NEDD4: variants seen among roughly 807,000 people sequenced by gnomAD.
The protein encoded by NEDD4 is NEDD4 E3 ubiquitin protein ligase, also known as E3 ubiquitin-protein ligase NEDD4.
NEDD4 carries 99 observed loss-of-function variants against 144.9 expected under a neutral mutation model. The ratio of observed to expected loss-of-function variants is 0.68; its 90% CI spans 0.58 to 0.81. NEDD4 has a LOEUF of 0.81. Ranked by LOEUF, NEDD4 falls within the 30% of genes least tolerant of loss-of-function variation. The pLI, the probability that NEDD4 is intolerant of heterozygous loss-of-function variation, is 0.00. For synonymous variants in NEDD4, 318 were observed against 350.6 expected (o/e 0.91, Z 1.04); for missense variants, 985 against 1,065.9 (o/e 0.92, Z 1.06).
intron 5 of NEDD4, among the ~76,000 whole-genome samples, chr15:55,884,041 G>A (rs2035299600): frequency 6.6e-6 from 1 of 152,034 alleles, no homozygotes; most frequent in Non-Finnish European, 1.5e-5. Context: ...CACCATGTCT[G>A]GCTAATGTTT....
chr15:55,872,474 T>C lies in NEDD4; in HGVS notation c.345A>G (p.Thr115=). Residue 115 remains threonine, a splice_region_variant and synonymous_variant, in exon 7 of 29, where the codon ACA becomes ACG. Coordinates refer to ENST00000435532, the MANE Select transcript of NEDD4 (RefSeq NM_006154.4). The part of the protein sequence containing the change: ...QVDVPLYPLP[T]ENPRLERPYT... ...ATGGTCTCTCCAATCTTGGATTTTC[T>C]GTCTAGAATAAAATAGTGGGTTTTC... 4 of 1,429,422 alleles carry C rather than the reference T, an allele frequency of 2.8e-6. No individual in the cohort carries two copies. Among genetic ancestry groups the C allele is most frequent in the Non-Finnish European group, 3.8e-6 (4 of 1,066,420 alleles). The allele number at this position is 1,429,422 out of a possible 1,614,324, so 88.5% of individuals were successfully genotyped here.
chr15:55,958,416 T>G (rs1037147585), intron 2 of NEDD4, among the ~76,000 whole-genome samples: 28 of 152,190 alleles, frequency 1.8e-4, no homozygotes, highest in African/African-American at 6.3e-4. Context: ...TTTAATTTCA[T>G]TTTTGCATCT....
intron 5 of NEDD4, among the ~76,000 whole-genome samples, chr15:55,907,417 A>G (rs2036137125): frequency 6.6e-6 from 1 of 152,188 alleles, no homozygotes; most frequent in African/African-American, 2.4e-5. Flanking sequence ...ACCTGCATGA[A>G]GTAGGTATAT....
At chr15:55,944,693 C>T (rs2142284666) in intron 4 of NEDD4, among the ~76,000 whole-genome samples, 2 of 152,314 alleles carry the variant, frequency 1.3e-5, no homozygotes, top group South Asian at 2.1e-4. Context: ...TCAAGTGGGT[C>T]CCTGACCCCC....
At chr15:55,896,827 T>A (rs1035074816) in intron 5 of NEDD4, among the ~76,000 whole-genome samples, 1 of 152,170 alleles carries the variant, frequency 6.6e-6, no homozygotes, top group Admixed American at 6.5e-5. Context: ...TTCTTTGTTA[T>A]AGCCCAATGT....
chr15:55,853,041 G>A (rs915466174), intron 12 of NEDD4, among the ~76,000 whole-genome samples: 2 of 152,042 alleles, frequency 1.3e-5, no homozygotes, highest in Non-Finnish European at 2.9e-5. Flanking sequence ...ATGAGCCACT[G>A]TGCCTGGCCA....
chr15:55,883,696 A>ACAAAC (rs2035281924), intron 5 of NEDD4, among the ~76,000 whole-genome samples: 2 of 112,126 alleles, frequency 1.8e-5, no homozygotes, highest in Non-Finnish European at 4.0e-5. Context: ...CACACACACA[A>ACAAAC]ACACACACAC....
At chr15:55,872,707 AGCCAAAGG>A (rs1211685964) in intron 6 of NEDD4, among the ~76,000 whole-genome samples, 1 of 152,186 alleles carries the variant, frequency 6.6e-6, no homozygotes, top group Non-Finnish European at 1.5e-5. Context: ...TGGGTTGTGG[AGCCAAAGG>A]GAGGGCAGAA....
chr15:55,852,642 C>A, intron 12 of NEDD4, 99 bp from the exon 13 acceptor site: 3 of 916,612 alleles, frequency 3.3e-6, no homozygotes, highest in East Asian at 2.8e-5. Context: ...CTCTCAGCCC[C>A]AAGCAACCAC....
intron 4 of NEDD4, among the ~76,000 whole-genome samples, chr15:55,941,133 A>G (rs1472785571): frequency 6.6e-6 from 1 of 152,022 alleles, no homozygotes; most frequent in Non-Finnish European, 1.5e-5. Context: ...TCTCTCTCAT[A>G]TAAGGCCAGC....
chr15:55,985,881 T>G (rs2037883049), intron 1 of NEDD4, among the ~76,000 whole-genome samples: 1 of 152,012 alleles, frequency 6.6e-6, no homozygotes, highest in Non-Finnish European at 1.5e-5. Context: ...CATTTTATAC[T>G]AAATAGGACC....
chr15:55,954,976 T>G (rs1183911232), intron 2 of NEDD4, among the ~76,000 whole-genome samples: 1 of 151,570 alleles, frequency 6.6e-6, no homozygotes, highest in African/African-American at 2.4e-5. Context: ...TACCCTATTT[T>G]GCACTGCACT....
chr15:55,851,876 T>C (rs190108482), intron 13 of NEDD4, among the ~76,000 whole-genome samples: 92 of 152,310 alleles, frequency 6.0e-4, no homozygotes, highest in African/African-American at 2.1e-3. Context: ...AAAGACGAGA[T>C]CATTTGCTTT....
Position 55,827,087 on chromosome 15 carries a change from TTG to T in NEDD4, c.*2808_*2809del, listed in dbSNP as rs1415506457. 5.3e-5 allele frequency: 8 copies of T among 152,216 alleles called. No individual in the cohort carries two copies. The highest frequency in any genetic ancestry group is 1.7e-4 in the African/African-American group (7 of 41,448). The allele number at this position is 152,216 out of a possible 1,614,324, so 9.4% of individuals were successfully genotyped here. A position where few individuals can be genotyped will look rare whatever the true frequency, so the allele number is the denominator to read the frequency against. ...TCAAATAGTTTATAATCAAAATGAA[TTG>T]TGTTTAACTTGATACTTATATGGAA... On this transcript the variant is annotated 3_prime_UTR_variant, in exon 29 of 29. Transcript: ENST00000435532.
intron 5 of NEDD4, among the ~76,000 whole-genome samples, chr15:55,880,626 C>T (rs2035153856): frequency 6.6e-6 from 1 of 151,878 alleles, no homozygotes; most frequent in Admixed American, 6.6e-5. Flanking sequence ...GGGAGTGTGC[C>T]GTGATATGGA....
chr15:55,894,738 T>C (rs2035685396), intron 5 of NEDD4, among the ~76,000 whole-genome samples: 1 of 152,220 alleles, frequency 6.6e-6, no homozygotes, highest in South Asian at 2.1e-4. Context: ...TAAAGTTTCA[T>C]TCATGATTTA....
At chr15:55,901,634 C>A (rs2035917817) in intron 5 of NEDD4, among the ~76,000 whole-genome samples, 1 of 152,090 alleles carries the variant, frequency 6.6e-6, no homozygotes, top group African/African-American at 2.4e-5. Flanking sequence ...GATTCGTGGT[C>A]TGTGTATTTT....
At chr15:55,893,987 A>G (rs1380427779) in intron 5 of NEDD4, among the ~76,000 whole-genome samples, 2 of 152,074 alleles carry the variant, frequency 1.3e-5, no homozygotes, top group Non-Finnish European at 2.9e-5. Context: ...TAGAAGTTCA[A>G]AATTTACTGA....
At chr15:55,964,194 T>G (rs2037471168) in intron 2 of NEDD4, among the ~76,000 whole-genome samples, 1 of 152,202 alleles carries the variant, frequency 6.6e-6, no homozygotes, top group Non-Finnish European at 1.5e-5. Context: ...TGTGCCTTCT[T>G]CTTTTCCCTC....
Sources: gnomAD v4.1 joint callset for allele counts (sites outside exome capture counted in the v4.1 genomes callset) on GRCh38, gnomAD v4.1.1 for gene constraint, MANE v1.5 for transcripts, NCBI Gene and HGNC (gene_info 2026-07-23, HGNC 2026-07-21) for gene names.